Variants in KIZ observed in about 807,000 individuals in gnomAD.
KIZ encodes centrosomal protein kizuna.
In KIZ, 68 loss-of-function variants were observed where a neutral mutation model predicts 79.6. That is an observed-to-expected ratio of 0.85 (90% CI 0.70 to 1.05). The LOEUF (loss-of-function observed/expected upper bound fraction) is 1.05. KIZ is among the 50% of genes least tolerant of loss of function. The pLI is 0.00. For missense variants in KIZ, 797 were observed against 800.4 expected, an observed-to-expected ratio of 1.00 and a Z score of 0.05; for synonymous variants, 280 against 281.8, an observed-to-expected ratio of 0.99 and a Z score of 0.06.
chr20:21,190,170 T>G lies in KIZ; in HGVS notation c.1353-15321T>G, dbSNP rs1237832151. 3.9e-5 allele frequency among the ~76,000 whole-genome samples: 6 copies of G among 152,208 alleles called. No homozygotes were observed. In the East Asian group the frequency reaches 1.2e-3, roughly 29 times the overall value. ...CCAGGACACTAATTCTTGATGTAGT[T>G]TCTAGTTACATGCTTAGATTTATGG... On this transcript the variant is annotated intron_variant, in intron 6 of 12. Coordinates refer to ENST00000619189, the MANE Select transcript of KIZ (RefSeq NM_018474.6).
intron 9 of KIZ, among the ~76,000 whole-genome samples, chr20:21,221,723 A>C (rs1481774528): frequency 6.6e-6 from 1 of 152,212 alleles, no homozygotes; most frequent in East Asian, 1.9e-4. Context: ...AGTTCTAGGC[A>C]GTGCTTCCCA....
intron 6 of KIZ, among the ~76,000 whole-genome samples, chr20:21,167,506 C>G (rs1340069542): frequency 6.6e-6 from 1 of 150,640 alleles, no homozygotes; most frequent in African/African-American, 2.4e-5. Context: ...TTGTGGCTAT[C>G]TACATTAACC....
chr20:21,244,367 A>G, intron 12 of KIZ, 79 bp downstream of exon 12: 2 of 1,016,672 alleles, frequency 2.0e-6, no homozygotes, highest in Non-Finnish European at 3.1e-6. Flanking sequence ...TGTTGTTTGC[A>G]CCCTCATGTG....
At chr20:21,233,910 G>A (rs767720247) in intron 11 of KIZ, among the ~76,000 whole-genome samples, 9 of 151,996 alleles carry the variant, frequency 5.9e-5, no homozygotes, top group African/African-American at 1.2e-4. Context: ...CTGAGTTTTC[G>A]TCCATATTTT....
intron 11 of KIZ, among the ~76,000 whole-genome samples, chr20:21,237,885 A>G (rs1310769143): frequency 6.6e-6 from 1 of 152,196 alleles, no homozygotes; most frequent in Non-Finnish European, 1.5e-5. Context: ...GCTGGAGTAC[A>G]GTGACACGAT....
At chr20:21,211,856 A>G (rs2123264381) in intron 7 of KIZ, among the ~76,000 whole-genome samples, 1 of 152,362 alleles carries the variant, frequency 6.6e-6, no homozygotes, top group African/African-American at 2.4e-5. Flanking sequence ...TGGGAGGCCC[A>G]GGAACGCAGA....
At chr20:21,149,153 A>AT (rs1568921140) in intron 4 of KIZ, among the ~76,000 whole-genome samples, 3 of 152,256 alleles carry the variant, frequency 2.0e-5, no homozygotes, top group African/African-American at 7.2e-5. Context: ...GGCAGAACCA[A>AT]TATTCAAACC....
chr20:21,237,599 CA>C (rs2037062946), intron 11 of KIZ, among the ~76,000 whole-genome samples: 2 of 152,158 alleles, frequency 1.3e-5, no homozygotes, highest in Non-Finnish European at 2.9e-5. Flanking sequence ...GCGTATGACC[CA>C]CTATTTCATG....
chr20:21,164,334 G>A (rs544598597), intron 6 of KIZ, among the ~76,000 whole-genome samples: 16 of 152,312 alleles, frequency 1.1e-4, no homozygotes, highest in African/African-American at 3.8e-4. Context: ...GCATATCCAA[G>A]TACAGAGTTC....
At chr20:21,230,863 G>C (rs761767864) in intron 10 of KIZ, among the ~76,000 whole-genome samples, 3 of 152,168 alleles carry the variant, frequency 2.0e-5, no homozygotes, top group Non-Finnish European at 2.9e-5. Flanking sequence ...TGAATCCAGA[G>C]GGATATTAGA....
chr20:21,131,233 C>T (rs994209494), intron 1 of KIZ, among the ~76,000 whole-genome samples: 4 of 152,200 alleles, frequency 2.6e-5, no homozygotes, highest in Non-Finnish European at 5.9e-5. Context: ...CTCGTCCTTG[C>T]CCAGGCTGGT....
In KIZ at chr20:21,244,666, CT is replaced by C. The variant is rs548223298; in HGVS notation, c.1924+379del. ...GGACAGGCTCTTGGAGTAACTCTAA[CT>C]GGTTTCCTCATACCCAGTTCCTCCC... On this transcript the variant is annotated intron_variant, in intron 12 of 12. Transcript: ENST00000619189. 465 of 191,994 alleles carry C rather than the reference CT, an allele frequency of 2.4e-3. 2 individuals are homozygous for C. The highest frequency in any genetic ancestry group is 0.011 in the African/African-American group (456 of 42,482). 11.9% of individuals were successfully genotyped at this position (191,994 alleles called of 1,614,324 possible). A position where few individuals can be genotyped will look rare whatever the true frequency, so the allele number is the denominator to read the frequency against.
chr20:21,225,916 C>G (rs1214459561), intron 9 of KIZ, among the ~76,000 whole-genome samples: 2 of 152,330 alleles, frequency 1.3e-5, no homozygotes, highest in East Asian at 1.9e-4. Context: ...AATCTTCATA[C>G]AGCTGATGCA....
At chr20:21,166,689 C>G (rs1242265748) in intron 6 of KIZ, 1 of 635,124 alleles carries the variant, frequency 1.6e-6, no homozygotes, top group African/African-American at 1.8e-5. Flanking sequence ...TACTCCCTAC[C>G]TCAGGTGATC....
At chr20:21,156,629 A>G (rs754490258) in intron 4 of KIZ, among the ~76,000 whole-genome samples, 3 of 152,186 alleles carry the variant, frequency 2.0e-5, no homozygotes, top group Non-Finnish European at 4.4e-5. Flanking sequence ...AAATTGGATT[A>G]TGGGTTGTGG....
At chr20:21,136,886 GC>G (rs1453226933) in intron 3 of KIZ, among the ~76,000 whole-genome samples, 1 of 152,170 alleles carries the variant, frequency 6.6e-6, no homozygotes, top group African/African-American at 2.4e-5. Context: ...TTAAGTATCA[GC>G]TTTTTCTGTG....
chr20:21,228,989 T>G, intron 9 of KIZ, 22 bp from the exon 10 acceptor site: 1 of 1,361,770 alleles, frequency 7.3e-7, no homozygotes, highest in Non-Finnish European at 1.0e-6. Context: ...GTAATATTTC[T>G]GTGTTTTTCT....
At chr20:21,173,727 TGAA>T (rs1212638148) in intron 6 of KIZ, among the ~76,000 whole-genome samples, 1 of 151,946 alleles carries the variant, frequency 6.6e-6, no homozygotes, top group Non-Finnish European at 1.5e-5. Flanking sequence ...GGCACAGACT[TGAA>T]GGAAAGAAAA....
At position 21,126,140 on chromosome 20, in the gene KIZ, G is replaced by A; in HGVS notation, c.25G>A (p.Val9Met). Residue 9 changes from valine (V) to methionine (M), a missense_variant, in exon 1 of 13, where the codon GTG (valine) becomes ATG (methionine). Physicochemically the swap from Val to Met is conservative, Grantham distance 21. Coordinates refer to ENST00000619189, the MANE Select transcript of KIZ (RefSeq NM_018474.6). Reference protein sequence around the residue: MSRTLASAVPLSSPDYYER... With the variant: MSRTLASAMPLSSPDYYER... ...CATGAGCCGGACCCTCGCATCGGCC[G>A]TGCCCCTGTCGAGTCCCGACTACTA... 1 of 1,514,364 alleles carries A rather than the reference G, an allele frequency of 6.6e-7. No individual in the cohort carries two copies. The highest frequency in any genetic ancestry group is 8.8e-7 in the Non-Finnish European group (1 of 1,130,818). 93.8% of individuals were successfully genotyped at this position (1,514,364 alleles called of 1,614,324 possible). A position where few individuals can be genotyped will look rare whatever the true frequency, so the allele number is the denominator to read the frequency against.
Sources: gnomAD v4.1 joint callset for allele counts (sites outside exome capture counted in the v4.1 genomes callset) on GRCh38, gnomAD v4.1.1 for gene constraint, MANE v1.5 for transcripts, NCBI Gene and HGNC (gene_info 2026-07-23, HGNC 2026-07-21) for gene names.